Variants in TAF5 observed in about 807,000 individuals in gnomAD.
TAF5 encodes TATA-box binding protein associated factor 5.
Under a neutral mutation model 80.9 loss-of-function variants are expected in TAF5, and 20 were observed. The ratio of observed to expected loss-of-function variants is 0.25; its 90% confidence interval spans 0.17 to 0.36. TAF5 has a LOEUF of 0.36. Ranked by LOEUF, TAF5 falls within the 10% of genes least tolerant of loss-of-function variation. TAF5 has a pLI of 1.00. For missense variants in TAF5, 863 were observed against 1,029.4 expected (o/e 0.84, Z 2.21); for synonymous variants, 388 against 406.4 (o/e 0.95, Z 0.55).
At position 103,388,274 on chromosome 10, in the gene TAF5, C is replaced by T; in HGVS notation, c.*51C>T. 6.8e-7 allele frequency: 1 copy of T among 1,468,964 alleles called. No individual in the cohort carries two copies. Among genetic ancestry groups the T allele is most frequent in the Non-Finnish European group, 9.3e-7 (1 of 1,070,618 alleles). 91.0% of individuals were successfully genotyped at this position (1,468,964 alleles called of 1,614,324 possible). On this transcript the variant is annotated 3_prime_UTR_variant, in exon 11 of 11. Coordinates refer to ENST00000369839, the MANE Select transcript of TAF5 (RefSeq NM_006951.5). The stretch of plus-strand genomic sequence containing the variant: ...AAGCTACTGTTTTTAAAAAGGGAGA[C>T]TAAAAGCAAATACCTCAGTGATTAA...
intron 7 of TAF5, among the ~76,000 whole-genome samples, chr10:103,384,465 A>T (rs986362137): frequency 2.8e-4 from 42 of 152,154 alleles, no homozygotes; most frequent in African/African-American, 1.0e-3. Flanking sequence ...TCCTGTCTCC[A>T]CTAAAAAGTA....
chr10:103,379,458 A>C, intron 3 of TAF5, 150 bp from the exon 4 acceptor site: 1 of 670,150 alleles, frequency 1.5e-6, no homozygotes, highest in South Asian at 2.7e-5. Context: ...GTAAGGAAAA[A>C]GGGGAGAATG....
rs185848569 is a variant in TAF5 at position 103,385,717 on chromosome 10, G to C, written c.1829+227G>C. 3.4e-3 allele frequency among the ~76,000 whole-genome samples: 515 copies of C among 151,276 alleles called. 18 individuals are homozygous for C. Among genetic ancestry groups the C allele is most frequent in the Admixed American group, 0.031 (474 of 15,210 alleles). ...AGGTGGATGGATCACCTGAGGTCAA[G>C]AGTTTGAGACCAGCCTGGCCAACAT... On this transcript the variant is annotated intron_variant, in intron 8 of 10. Coordinates refer to ENST00000369839, the MANE Select transcript of TAF5 (RefSeq NM_006951.5).
intron 2 of TAF5, among the ~76,000 whole-genome samples, chr10:103,376,662 A>G (rs1213361737): frequency 6.6e-6 from 1 of 151,940 alleles, no homozygotes; most frequent in African/African-American, 2.4e-5. Flanking sequence ...TCATCTAAAC[A>G]CTCCATCCTT....
intron 1 of TAF5, among the ~76,000 whole-genome samples, chr10:103,372,849 T>C (rs753980671): frequency 4.0e-5 from 6 of 150,942 alleles, no homozygotes; most frequent in African/African-American, 1.5e-4. Context: ...TGAGCCGAGA[T>C]TGTGCATTGC....
chr10:103,371,343 C>T (rs574112267), intron 1 of TAF5, among the ~76,000 whole-genome samples: 1 of 151,922 alleles, frequency 6.6e-6, no homozygotes, highest in Non-Finnish European at 1.5e-5. Flanking sequence ...GCTGTAATCT[C>T]AGATCTCTTC....
At position 103,373,397 on chromosome 10, in the gene TAF5, C is replaced by G. The variant is rs145395767; in HGVS notation, c.599C>G (p.Ala200Gly). The change falls in exon 2 of 11, where the codon GCC becomes GGC. Residue 200 changes from alanine (A) to glycine (G), a missense_variant. By Grantham distance (60) the Ala-to-Gly change is moderately conservative. Coordinates refer to ENST00000369839, the MANE Select transcript of TAF5 (RefSeq NM_006951.5). Reference protein sequence around the residue: ...VAVEDQPDVSAVLSAYNQQGD... With the variant: ...VAVEDQPDVSGVLSAYNQQGD... ...GTGGAAGACCAGCCAGATGTCAGTG[C>G]CGTGTTGTCAGCCTACAACCAACAA... 33 of 1,613,904 alleles carry G rather than the reference C, an allele frequency of 2.0e-5. No homozygotes were observed. Among genetic ancestry groups the G allele is most frequent in the Non-Finnish European group, 2.6e-5 (31 of 1,180,002 alleles).
chr10:103,375,530 T>C (rs2093368468), intron 2 of TAF5, among the ~76,000 whole-genome samples: 2 of 152,124 alleles, frequency 1.3e-5, no homozygotes, highest in Non-Finnish European at 2.9e-5. Context: ...AAATGTCAAG[T>C]TGATAGGTAG....
chr10:103,376,492 G>A (rs1460633981), intron 2 of TAF5, among the ~76,000 whole-genome samples: 1 of 151,730 alleles, frequency 6.6e-6, no homozygotes, highest in African/African-American at 2.4e-5. Context: ...TAGCACCCCT[G>A]GCTTCTATGC....
At position 103,379,872 on chromosome 10, in the gene TAF5, T is replaced by C; in HGVS notation, c.1278-12T>C. The C allele has an allele frequency of 6.2e-7, 1 of 1,608,814 alleles. No individual in the cohort carries two copies. Among genetic ancestry groups the C allele is most frequent in the Non-Finnish European group, 8.5e-7 (1 of 1,178,696 alleles). ...GTCAAAAGGTAATTTTGACTCTCTTTTTCTTTCACAGAATCCCTCTTCCTG... is the reference window on the plus strand; with the variant it reads ...GTCAAAAGGTAATTTTGACTCTCTTCTTCTTTCACAGAATCCCTCTTCCTG... On this transcript the variant is annotated splice_polypyrimidine_tract_variant and intron_variant, in intron 4 of 10. Transcript: ENST00000369839.
At position 103,368,284 on chromosome 10, in the gene TAF5, G is replaced by A; in HGVS notation, c.295G>A (p.Ala99Thr). ...GAPHDRQTLL[A>T]VLQFLRQSKL... ...TCCGCATGACCGACAGACTCTACTG[G>A]CCGTGCTGCAGTTCCTACGGCAGAG... is the stretch of plus-strand genomic sequence containing the variant. The change falls in exon 1 of 11, where the codon GCC (alanine) becomes ACC (threonine). Residue 99 changes from alanine to threonine, a missense_variant. Coordinates refer to ENST00000369839, the MANE Select transcript of TAF5 (RefSeq NM_006951.5). The A allele has an allele frequency of 1.3e-6, 2 of 1,578,524 alleles. No individual in the cohort carries two copies. Among genetic ancestry groups the A allele is most frequent in the Non-Finnish European group, 1.7e-6 (2 of 1,171,582 alleles).
chr10:103,373,325 C>T, intron 1 of TAF5, 33 bp from the exon 2 acceptor site: 3 of 1,584,752 alleles, frequency 1.9e-6, no homozygotes, highest in Non-Finnish European at 2.6e-6. Flanking sequence ...CATAATAGGT[C>T]ATTTTCTTAA....
In TAF5 at chr10:103,383,331, G is replaced by A; in HGVS notation, c.1628G>A (p.Ser543Asn). 6.2e-7 allele frequency: 1 copy of A among 1,605,664 alleles called. No homozygotes were observed. Among genetic ancestry groups the A allele is most frequent in the Non-Finnish European group, 8.5e-7 (1 of 1,177,768 alleles). Residue 543 changes from serine (S) to asparagine (N), a missense_variant, in exon 7 of 11, where the codon AGT becomes AAT. Around this residue, in one of 3 missense-constraint regions of TAF5, gnomAD observed 368 missense variants for 461.7 expected, o/e 0.80. Coordinates refer to ENST00000369839, the MANE Select transcript of TAF5 (RefSeq NM_006951.5). ...GAGTTGAAGATTTTGTATGGTCACA[G>A]TGGGCCTGTCTACGGAGCCAGCTTC... Reference protein sequence around the residue: ...ASELKILYGHSGPVYGASFSP... With the variant: ...ASELKILYGHNGPVYGASFSP...
rs2093367301 is a variant in TAF5 at position 103,374,981 on chromosome 10, T to C, written c.797+1386T>C. On this transcript the variant is annotated intron_variant, in intron 2 of 10. Transcript: ENST00000369839. The surrounding 1 kb of genome is among the most constrained non-coding windows in gnomAD (Gnocchi z 4.3). ...AAAAAATGCAAAAATTAGCTGGGTGTGGTAGCTCACTCCTGTAATCCCAGC... is the reference window on the plus strand; with the variant it reads ...AAAAAATGCAAAAATTAGCTGGGTGCGGTAGCTCACTCCTGTAATCCCAGC... Among the ~76,000 whole-genome samples, 1 of 151,958 alleles carries C rather than the reference T, an allele frequency of 6.6e-6. No individual in the cohort carries two copies. The highest frequency in any genetic ancestry group is 1.5e-5 in the Non-Finnish European group (1 of 67,974).
At position 103,373,354 on chromosome 10, in the gene TAF5, A is replaced by G. The variant is rs1234202766; in HGVS notation, c.560-4A>G. On this transcript the variant is annotated splice_region_variant and splice_polypyrimidine_tract_variant and intron_variant, in intron 1 of 10. Transcript: ENST00000369839. Reference sequence around the variant, plus strand: ...TTCTTAAAAGTTTTTTGTTTTTTAAATAGTTGGAAGTGTTGCTGTGGAAGA... The same window carrying G: ...TTCTTAAAAGTTTTTTGTTTTTTAAGTAGTTGGAAGTGTTGCTGTGGAAGA... 6.2e-6 allele frequency: 10 copies of G among 1,609,216 alleles called. No individual in the cohort carries two copies. The Admixed American group carries it at 1.7e-4, about 27-fold the overall frequency.
intron 7 of TAF5, among the ~76,000 whole-genome samples, chr10:103,384,500 G>A (rs7099480): frequency 0.11 from 17,318 of 152,088 alleles, 1,055 homozygotes; most frequent in East Asian, 0.22. Context: ...GTGTGGTGGC[G>A]CCCACCTGTA....
At position 103,378,131 on chromosome 10, in the gene TAF5, C is replaced by A; in HGVS notation, c.798-104C>A. On this transcript the variant is annotated intron_variant, in intron 2 of 10. Transcript: ENST00000369839. The surrounding 1 kb of genome is among the most constrained non-coding windows in gnomAD (Gnocchi z 4.1). ...ACAGCTTAGTTCAGGATTATTTAGA[C>A]TACTACATTGAAAATATTCTGGGAT... The A allele has an allele frequency of 1.1e-6, 1 of 940,582 alleles. No homozygotes were observed. The highest frequency in any genetic ancestry group is 1.6e-6 in the Non-Finnish European group (1 of 628,390). The allele number at this position is 940,582 out of a possible 1,614,324, so 58.3% of individuals were successfully genotyped here.
At chr10:103,368,619 G>T (rs984916884) in intron 1 of TAF5, 71 bp downstream of exon 1, 1 of 1,417,160 alleles carries the variant, frequency 7.1e-7, no homozygotes, top group Admixed American at 2.9e-5. Flanking sequence ...GGGGCTGGCA[G>T]GCCTGCACCT....
chr10:103,368,739 G>T (rs903940510), intron 1 of TAF5, among the ~76,000 whole-genome samples, 191 bp downstream of exon 1: 1 of 152,224 alleles, frequency 6.6e-6, no homozygotes. Flanking sequence ...GTCAGTTCCA[G>T]TGAGAAGCTG....
Sources: allele counts gnomAD v4.1 joint callset (sites outside exome capture counted in the v4.1 genomes callset), GRCh38; gene constraint gnomAD v4.1.1; regional missense constraint gnomAD v4.1.1; non-coding constraint Gnocchi (gnomAD v3.1); transcripts MANE v1.5; gene names NCBI Gene and HGNC (gene_info 2026-07-23, HGNC 2026-07-21).